The following RALGAPA1 variants were observed in gnomAD, a reference collection of about 807,000 sequenced individuals.
RALGAPA1 encodes the protein Ral GTPase activating protein catalytic subunit alpha 1.
In RALGAPA1, 52 loss-of-function variants were observed where a neutral mutation model predicts 269.6. That is an observed-to-expected ratio of 0.19 (90% confidence interval 0.15 to 0.24). RALGAPA1 has a LOEUF of 0.24. Ranked by LOEUF, RALGAPA1 falls within the 10% of genes least tolerant of loss-of-function variation. The pLI, the probability that RALGAPA1 is intolerant of heterozygous loss-of-function variation, is 1.00. For missense variants in RALGAPA1, 1,917 were observed against 3,013.9 expected (o/e 0.64, Z 8.52); for synonymous variants, 817 against 1,008.3 (o/e 0.81, Z 3.60).
chr14:35,659,341 C>A, intron 27 of RALGAPA1, 145 bp from the exon 28 acceptor site: 4 of 472,314 alleles, frequency 8.5e-6, no homozygotes, highest in East Asian at 3.4e-5. Context: ...ATAAAAGTAG[C>A]TAAATAAATA....
chr14:35,591,682 T>C (rs2058647829), intron 37 of RALGAPA1, among the ~76,000 whole-genome samples: 1 of 152,174 alleles, frequency 6.6e-6, no homozygotes, highest in Non-Finnish European at 1.5e-5. Context: ...AGAGTCCATG[T>C]ACTAAGGGCC....
rs1331762911 is a variant in RALGAPA1, at chr14:35,539,411, A to G, written c.*303T>C. 2 of 655,114 alleles carry G rather than the reference A, an allele frequency of 3.1e-6. No homozygotes were observed. Among genetic ancestry groups the G allele is most frequent in the African/African-American group, 3.7e-5 (2 of 53,846 alleles). The allele number at this position is 655,114 out of a possible 1,614,324, so 40.6% of individuals were successfully genotyped here. ...CTACAAATTATTTAAAATTATTTAAATCCAGTGTTTTCTCAAATAAATGTA... is the reference window on the plus strand; with the variant it reads ...CTACAAATTATTTAAAATTATTTAAGTCCAGTGTTTTCTCAAATAAATGTA... On this transcript the variant is annotated 3_prime_UTR_variant, in exon 42 of 42. Transcript: ENST00000680220.
intron 17 of RALGAPA1, among the ~76,000 whole-genome samples, chr14:35,694,639 ATT>A (rs974559195): frequency 6.6e-5 from 10 of 151,336 alleles, no homozygotes; most frequent in South Asian, 2.1e-4. Context: ...TTATTCTAAT[ATT>A]GTTTTCCTGA....
intron 35 of RALGAPA1, among the ~76,000 whole-genome samples, chr14:35,609,239 C>T (rs991216905): frequency 2.0e-5 from 3 of 149,462 alleles, no homozygotes; most frequent in Non-Finnish European, 4.5e-5. Flanking sequence ...AAAAAAAAAA[C>T]CAAAAAACAA....
intron 26 of RALGAPA1, among the ~76,000 whole-genome samples, chr14:35,667,176 C>T (rs889343957): frequency 4.9e-4 from 75 of 152,022 alleles, no homozygotes; most frequent in Middle Eastern, 3.4e-3. Flanking sequence ...CTGAGGCGGG[C>T]GGATCACGAG....
chr14:35,592,794 G>A (rs1278125404), intron 37 of RALGAPA1, among the ~76,000 whole-genome samples: 1 of 152,118 alleles, frequency 6.6e-6, no homozygotes, highest in African/African-American at 2.4e-5. Flanking sequence ...ATTCAACTAA[G>A]TCCAATATCA....
intron 29 of RALGAPA1, 116 bp downstream of exon 29, chr14:35,655,691 A>C (rs1404052373): frequency 5.1e-6 from 7 of 1,369,712 alleles, no homozygotes; most frequent in African/African-American, 1.5e-5. Flanking sequence ...AAAATAATAG[A>C]ATAATAAAGT....
intron 37 of RALGAPA1, among the ~76,000 whole-genome samples, chr14:35,583,123 C>G (rs865856690): frequency 6.6e-6 from 1 of 152,168 alleles, no homozygotes; most frequent in South Asian, 2.1e-4. Context: ...GCACCAGAGT[C>G]AGATGTGGCA....
At chr14:35,678,705 T>A (rs1348271689) in intron 21 of RALGAPA1, among the ~76,000 whole-genome samples, 1 of 152,196 alleles carries the variant, frequency 6.6e-6, no homozygotes, top group African/African-American at 2.4e-5. Flanking sequence ...ATAACTTTCT[T>A]GCCTCCCCAC....
intron 21 of RALGAPA1, among the ~76,000 whole-genome samples, chr14:35,680,584 ATTT>A: frequency 1.4e-5 from 1 of 71,290 alleles, no homozygotes; most frequent in Middle Eastern, 6.3e-3. Context: ...CTTTAATTTT[ATTT>A]ATTTATTTAT....
At chr14:35,799,477 G>T (rs1350257366) in intron 1 of RALGAPA1, among the ~76,000 whole-genome samples, 1 of 151,460 alleles carries the variant, frequency 6.6e-6, no homozygotes, top group Non-Finnish European at 1.5e-5. Context: ...CAGGAGAATC[G>T]CTCTAACCTG....
At chr14:35,594,916 T>C (rs1284116676) in intron 37 of RALGAPA1, among the ~76,000 whole-genome samples, 2 of 152,002 alleles carry the variant, frequency 1.3e-5, no homozygotes, top group African/African-American at 2.4e-5. Flanking sequence ...AATGTACAAA[T>C]TGATAAACTG....
intron 39 of RALGAPA1, among the ~76,000 whole-genome samples, chr14:35,562,030 GAA>G (rs1226837222): frequency 1.3e-5 from 2 of 152,102 alleles, no homozygotes; most frequent in African/African-American, 4.8e-5. Context: ...CTTTTGAAGA[GAA>G]TGACCATAAC....
chr14:35,734,954 C>G (rs1041182165), intron 12 of RALGAPA1, among the ~76,000 whole-genome samples: 23 of 151,304 alleles, frequency 1.5e-4, no homozygotes, highest in African/African-American at 5.3e-4. Context: ...AAAAAATGCT[C>G]AAAATCATTA....
chr14:35,719,327 A>G (rs1424175486), intron 16 of RALGAPA1, among the ~76,000 whole-genome samples: 1 of 152,186 alleles, frequency 6.6e-6, no homozygotes, highest in African/African-American at 2.4e-5. Flanking sequence ...AAGAAAAAAA[A>G]GTAATGTTAA....
intron 34 of RALGAPA1, among the ~76,000 whole-genome samples, chr14:35,626,438 A>T (rs1001780924): frequency 6.6e-6 from 1 of 152,204 alleles, no homozygotes; most frequent in Non-Finnish European, 1.5e-5. Flanking sequence ...TAAAACCTAA[A>T]TGTATATTAA....
In RALGAPA1 at chr14:35,604,275, G is replaced by A. The variant is rs576337479; in HGVS notation, c.7053+1311C>T. Among the ~76,000 whole-genome samples the A allele has an allele frequency of 8.6e-5, 13 of 151,728 alleles. No individual in the cohort carries two copies. The South Asian group carries it at 2.7e-3, about 32-fold the overall frequency. On this transcript the variant is annotated intron_variant, in intron 36 of 41. Coordinates refer to ENST00000680220, the MANE Select transcript of RALGAPA1 (RefSeq NM_001346249.2). ...ATACACATTGTTTTCAAGGGAACAGGGTACCTATACTGGGTTATATTATAT... is the reference window on the plus strand; with the variant it reads ...ATACACATTGTTTTCAAGGGAACAGAGTACCTATACTGGGTTATATTATAT...
chr14:35,773,124 T>C (rs1288051783), intron 3 of RALGAPA1, among the ~76,000 whole-genome samples: 1 of 152,168 alleles, frequency 6.6e-6, no homozygotes, highest in Non-Finnish European at 1.5e-5. Context: ...CATTTCTAAA[T>C]TACAACTAAT....
chr14:35,715,995 G>A (rs985141599), intron 16 of RALGAPA1: 117 of 985,176 alleles, frequency 1.2e-4, no homozygotes, highest in Admixed American at 6.2e-5. Context: ...AATAGCTCCA[G>A]AATATCAAGT....
Sources: allele counts gnomAD v4.1 joint callset (sites outside exome capture counted in the v4.1 genomes callset), GRCh38; gene constraint gnomAD v4.1.1; transcripts MANE v1.5; gene names NCBI Gene and HGNC (gene_info 2026-07-23, HGNC 2026-07-21).